PKIA: variants seen among roughly 807,000 people sequenced by gnomAD.
PKIA encodes the protein cAMP-dependent protein kinase inhibitor alpha.
In PKIA, 4 loss-of-function variants were observed where a neutral mutation model predicts 7.6. The ratio of observed to expected loss-of-function variants is 0.52; its 90% CI spans 0.26 to 1.20. The LOEUF is 1.20. Among genes scored for constraint, PKIA ranks in the 50% most tolerant of loss-of-function variants. The probability of loss-of-function intolerance (pLI) is 0.13; values close to 1 mark genes in which losing one functional copy is unlikely to be tolerated. For missense variants in PKIA, 73 were observed against 86.2 expected (o/e 0.85, Z 0.61); for synonymous variants, 21 against 30.7 (o/e 0.68, Z 1.04).
At chr8:78,589,923 C>G (rs1808053758) in intron 2 of PKIA, among the ~76,000 whole-genome samples, 1 of 152,160 alleles carries the variant, frequency 6.6e-6, no homozygotes, top group Admixed American at 6.5e-5. Flanking sequence ...ACATTATTTT[C>G]ATGGATCACC....
intron 1 of PKIA, among the ~76,000 whole-genome samples, chr8:78,527,399 T>A (rs1278832580): frequency 6.6e-6 from 1 of 152,004 alleles, no homozygotes; most frequent in Non-Finnish European, 1.5e-5. Context: ...TCTATGTATG[T>A]ATTCATTAAT....
At chr8:78,519,236 A>G (rs1375567853) in intron 1 of PKIA, among the ~76,000 whole-genome samples, 2 of 152,104 alleles carry the variant, frequency 1.3e-5, no homozygotes, top group African/African-American at 4.8e-5. Context: ...TTTAGAGAGT[A>G]AAAATTTAGG....
rs1289848757 is a variant in PKIA at position 78,603,526 on chromosome 8, C to T, written c.*1705C>T. The T allele has an allele frequency of 2.6e-5, 4 of 151,852 alleles. No homozygotes were observed. The East Asian group carries it at 5.8e-4, about 22-fold the overall frequency. 9.4% of individuals were successfully genotyped at this position (151,852 alleles called of 1,614,324 possible). A position where few individuals can be genotyped will look rare whatever the true frequency, so the allele number is the denominator to read the frequency against. On this transcript the variant is annotated 3_prime_UTR_variant, in exon 4 of 4. Coordinates refer to ENST00000396418, the MANE Select transcript of PKIA (RefSeq NM_006823.4). ...AAAAAATTAATAATGTGAGCCTTTCCGAGAGCAGAACGAGGAAAGATTAAA... is the reference window on the plus strand; with the variant it reads ...AAAAAATTAATAATGTGAGCCTTTCTGAGAGCAGAACGAGGAAAGATTAAA...
At chr8:78,550,896 C>T (rs753641259) in intron 1 of PKIA, among the ~76,000 whole-genome samples, 2 of 151,960 alleles carry the variant, frequency 1.3e-5, no homozygotes, top group African/African-American at 2.4e-5. Context: ...CCCACTTATG[C>T]GTGAGAACAT....
chr8:78,540,891 T>A (rs1806670944), intron 1 of PKIA, among the ~76,000 whole-genome samples: 1 of 152,162 alleles, frequency 6.6e-6, no homozygotes, highest in African/African-American at 2.4e-5. Flanking sequence ...TCTATTAAAA[T>A]AAAATTAATT....
rs1807541106 is a variant in PKIA, at chr8:78,571,293, G to T, written c.-156-1518G>T. ...CCTCAAAAGAAAACTGTCAACCCAG[G>T]AACTAAAGTTTATCCATTTGGACTT... On this transcript the variant is annotated intron_variant, in intron 1 of 3. Transcript: ENST00000396418. Among the ~76,000 whole-genome samples, 3 of 152,076 alleles carry T rather than the reference G, an allele frequency of 2.0e-5. No homozygotes were observed. The South Asian group carries it at 6.2e-4, about 32-fold the overall frequency.
chr8:78,527,301 C>T (rs1196295064), intron 1 of PKIA, among the ~76,000 whole-genome samples: 1 of 151,916 alleles, frequency 6.6e-6, no homozygotes, highest in Admixed American at 6.6e-5. Context: ...ATGAAAATAC[C>T]TGCTTTAAAC....
At position 78,578,225 on chromosome 8, in the gene PKIA, T is replaced by C. The variant is rs148288581; in HGVS notation, c.-28+5286T>C. Among the ~76,000 whole-genome samples, 592 of 152,194 alleles carry C rather than the reference T, an allele frequency of 3.9e-3. 5 individuals carry two copies. Among genetic ancestry groups the C allele is most frequent in the African/African-American group, 0.013 (541 of 41,562 alleles). On this transcript the variant is annotated intron_variant, in intron 2 of 3. Coordinates refer to ENST00000396418, the MANE Select transcript of PKIA (RefSeq NM_006823.4). ...TCATATGTAAACTTTATTCTGATTC[T>C]AAAATTGTTATGATCGTTTATGAAA...
At chr8:78,534,448 G>A (rs1437881042) in intron 1 of PKIA, 2 of 152,128 alleles carry the variant, frequency 1.3e-5, no homozygotes, top group African/African-American at 4.8e-5. Flanking sequence ...ACTAGGTTTT[G>A]AGAATTTAGA....
intron 2 of PKIA, among the ~76,000 whole-genome samples, chr8:78,580,463 T>G (rs2130198780): frequency 6.6e-6 from 1 of 152,136 alleles, no homozygotes; most frequent in Admixed American, 6.6e-5. Context: ...AGTAAGCCTT[T>G]GTCACCATGG....
At chr8:78,563,963 C>A (rs999034902) in intron 1 of PKIA, among the ~76,000 whole-genome samples, 7 of 151,936 alleles carry the variant, frequency 4.6e-5, no homozygotes, top group Admixed American at 4.6e-4. Context: ...AATGGAATAA[C>A]CACTACATAC....
At chr8:78,517,106 C>T (rs759836161) in intron 1 of PKIA, among the ~76,000 whole-genome samples, 1 of 152,166 alleles carries the variant, frequency 6.6e-6, no homozygotes, top group Non-Finnish European at 1.5e-5. Flanking sequence ...GATGCTGTGC[C>T]CATTCACAGA....
intron 1 of PKIA, among the ~76,000 whole-genome samples, chr8:78,531,996 G>A (rs941001500): frequency 1.3e-5 from 2 of 152,074 alleles, no homozygotes; most frequent in African/African-American, 4.8e-5. Context: ...TAATTCAATA[G>A]CAGTCTCATA....
chr8:78,554,672 G>T (rs922699760), intron 1 of PKIA, among the ~76,000 whole-genome samples: 6 of 151,940 alleles, frequency 3.9e-5, no homozygotes, highest in African/African-American at 1.4e-4. Flanking sequence ...ACTGATATTT[G>T]TAACAAAGGA....
intron 1 of PKIA, among the ~76,000 whole-genome samples, chr8:78,518,180 G>A (rs1219195170): frequency 6.6e-6 from 1 of 152,220 alleles, no homozygotes; most frequent in Non-Finnish European, 1.5e-5. Context: ...AGTATATGAG[G>A]CATAGGGTGA....
chr8:78,581,642 A>G (rs547502991), intron 2 of PKIA, among the ~76,000 whole-genome samples: 280 of 152,232 alleles, frequency 1.8e-3, no homozygotes, highest in African/African-American at 6.5e-3. Context: ...AAATCCTACA[A>G]AATAACTAGT....
intron 1 of PKIA, among the ~76,000 whole-genome samples, chr8:78,549,320 A>G (rs1350216850): frequency 3.3e-5 from 5 of 152,066 alleles, no homozygotes; most frequent in East Asian, 1.9e-4. Context: ...AGAAAAAGCT[A>G]GAGTAGCAGA....
In PKIA at chr8:78,603,438, G is replaced by C. The variant is rs1262453400; in HGVS notation, c.*1617G>C. ...GTCTGCTCACTTCTCCTTCTACAGGGCATTTCAACTGACTGGAATAAGGGC... is the reference window on the plus strand; with the variant it reads ...GTCTGCTCACTTCTCCTTCTACAGGCCATTTCAACTGACTGGAATAAGGGC... On this transcript the variant is annotated 3_prime_UTR_variant, in exon 4 of 4. Transcript: ENST00000396418. The C allele has an allele frequency of 1.3e-5, 2 of 151,852 alleles. No homozygotes were observed. 9.4% of individuals were successfully genotyped at this position (151,852 alleles called of 1,614,324 possible).
chr8:78,588,766 G>A (rs1808020987), intron 2 of PKIA, among the ~76,000 whole-genome samples: 1 of 152,076 alleles, frequency 6.6e-6, no homozygotes, highest in African/African-American at 2.4e-5. Context: ...TGTAGAGGAA[G>A]CAGGGAAAAT....
Sources: gnomAD v4.1 joint callset for allele counts (sites outside exome capture counted in the v4.1 genomes callset) on GRCh38, gnomAD v4.1.1 for gene constraint, MANE v1.5 for transcripts, NCBI Gene and HGNC (gene_info 2026-07-23, HGNC 2026-07-21) for gene names.